The following VPS50 variants were observed in gnomAD, a reference collection of about 807,000 sequenced individuals.
VPS50 encodes the protein VPS50 subunit of EARP/GARPII complex.
A neutral mutation model predicts 139.7 loss-of-function variants in VPS50; 70 were observed. The ratio of observed to expected loss-of-function variants is 0.50; its 90% CI spans 0.41 to 0.61. The LOEUF is 0.61. VPS50 is among the 20% of genes least tolerant of loss of function. VPS50 has a pLI of 0.00. For missense variants in VPS50, 921 were observed against 1,133.7 expected (o/e 0.81, Z 2.69); for synonymous variants, 365 against 376.7 (o/e 0.97, Z 0.36).
chr7:93,342,889 A>C (rs1251305267), intron 23 of VPS50, among the ~76,000 whole-genome samples: 2 of 152,246 alleles, frequency 1.3e-5, no homozygotes, highest in Non-Finnish European at 2.9e-5. Flanking sequence ...GGAAAAAAAC[A>C]GAGCAGAAAA....
chr7:93,332,558 G>T (rs1477427051), intron 21 of VPS50, among the ~76,000 whole-genome samples: 4 of 152,188 alleles, frequency 2.6e-5, no homozygotes, highest in African/African-American at 2.4e-5. Context: ...CAACGTGGAA[G>T]TACCTTATAA....
At chr7:93,343,622 A>G (rs1798294927) in intron 23 of VPS50, among the ~76,000 whole-genome samples, 1 of 152,232 alleles carries the variant, frequency 6.6e-6, no homozygotes, top group Admixed American at 6.5e-5. Flanking sequence ...CCATCAGACT[A>G]ACAGCAGATC....
intron 25 of VPS50, among the ~76,000 whole-genome samples, chr7:93,350,801 A>G (rs1042439301): frequency 6.6e-6 from 1 of 152,188 alleles, no homozygotes; most frequent in African/African-American, 2.4e-5. Context: ...GAGACTGGAG[A>G]TGAGGCCTGA....
intron 21 of VPS50, among the ~76,000 whole-genome samples, chr7:93,324,120 T>G (rs1797697553): frequency 6.6e-6 from 1 of 152,228 alleles, no homozygotes; most frequent in Admixed American, 6.5e-5. Flanking sequence ...GATAATGATG[T>G]ATAAGAATGC....
At chr7:93,297,416 C>G (rs1796842915) in intron 16 of VPS50, among the ~76,000 whole-genome samples, 173 bp downstream of exon 16, 1 of 151,918 alleles carries the variant, frequency 6.6e-6, no homozygotes, top group Non-Finnish European at 1.5e-5. Flanking sequence ...ATGAAATGTT[C>G]TCATTACATA....
chr7:93,259,281 G>T (rs1795592734), intron 8 of VPS50: 1 of 271,998 alleles, frequency 3.7e-6, no homozygotes. Context: ...TTTAATGTAG[G>T]ATTTATCCAT....
chr7:93,290,889 A>G (rs974934339), intron 12 of VPS50, among the ~76,000 whole-genome samples: 3 of 152,078 alleles, frequency 2.0e-5, no homozygotes, highest in Non-Finnish European at 4.4e-5. Flanking sequence ...AATACTTGCC[A>G]TAGCTTATTT....
chr7:93,313,341 C>A (rs762566497), intron 20 of VPS50, among the ~76,000 whole-genome samples: 33 of 152,150 alleles, frequency 2.2e-4, no homozygotes, highest in Non-Finnish European at 4.3e-4. Flanking sequence ...TCAAACACAT[C>A]TAAGCAGTTG....
At chr7:93,264,678 G>A (rs773248897) in intron 9 of VPS50, among the ~76,000 whole-genome samples, 2 of 152,108 alleles carry the variant, frequency 1.3e-5, no homozygotes, top group Non-Finnish European at 2.9e-5. Flanking sequence ...ATGTCTTTAC[G>A]TCATATGGCA....
intron 4 of VPS50, among the ~76,000 whole-genome samples, chr7:93,254,883 T>G (rs975100080): frequency 6.6e-6 from 1 of 152,186 alleles, no homozygotes; most frequent in Non-Finnish European, 1.5e-5. Context: ...GATATGATTT[T>G]TAATAATGCA....
At chr7:93,307,590 G>T (rs1797152976) in intron 18 of VPS50, among the ~76,000 whole-genome samples, 1 of 151,868 alleles carries the variant, frequency 6.6e-6, no homozygotes, top group Non-Finnish European at 1.5e-5. Flanking sequence ...TGACTTTAGG[G>T]TTACAAATAA....
rs200975765 is a variant in VPS50, at chr7:93,341,534, G to A, written c.2166G>A (p.Thr722=). ...TAGTGGTTTTGACATCTGGGGATAC[G>A]CTGTATGGGTTGGCAGAAAGAGTGG... ...SHLVVLTSGD[T]LYGLAERVVA... The change falls in exon 23 of 28, where the codon ACG becomes ACA. Residue 722 remains threonine (T), a synonymous_variant. Coordinates refer to ENST00000305866, the MANE Select transcript of VPS50 (RefSeq NM_017667.4). 1.9e-4 allele frequency: 303 copies of A among 1,611,580 alleles called. No individual in the cohort carries two copies. The highest frequency in any genetic ancestry group is 2.4e-4 in the African/African-American group (18 of 74,884).
At chr7:93,271,373 T>G (rs1215524095) in intron 10 of VPS50, 111 bp downstream of exon 10, 1 of 1,324,412 alleles carries the variant, frequency 7.6e-7, no homozygotes, top group Non-Finnish European at 9.7e-7. Flanking sequence ...TGTCTCTAGA[T>G]CACTGTATTT....
At chr7:93,345,788 A>T (rs1032109527) in intron 23 of VPS50, among the ~76,000 whole-genome samples, 6 of 152,148 alleles carry the variant, frequency 3.9e-5, no homozygotes, top group African/African-American at 9.7e-5. Context: ...CCCTTCATGC[A>T]AAAAACTCTC....
chr7:93,323,872 C>T, intron 21 of VPS50, 140 bp downstream of exon 21: 1 of 381,360 alleles, frequency 2.6e-6, no homozygotes, highest in East Asian at 4.1e-5. Context: ...TTATTGATAT[C>T]AGCCTTCTGT....
chr7:93,288,202 A>G (rs528040985), intron 12 of VPS50, among the ~76,000 whole-genome samples: 1 of 152,262 alleles, frequency 6.6e-6, no homozygotes, highest in Admixed American at 6.5e-5. Context: ...TTACAACTCA[A>G]GGTGAGATTT....
intron 21 of VPS50, among the ~76,000 whole-genome samples, chr7:93,325,066 C>G (rs1427833437): frequency 6.6e-6 from 1 of 151,934 alleles, no homozygotes; most frequent in African/African-American, 2.4e-5. Context: ...CTACAGTAAC[C>G]AAAACAGCAT....
intron 1 of VPS50, among the ~76,000 whole-genome samples, chr7:93,233,863 A>G (rs139427605): frequency 4.0e-4 from 61 of 152,332 alleles, no homozygotes; most frequent in African/African-American, 1.3e-3. Context: ...TGGTGTTTAC[A>G]TGATATAATG....
intron 14 of VPS50, 46 bp downstream of exon 14, chr7:93,294,682 G>A (rs1229989627): frequency 7.1e-7 from 1 of 1,399,058 alleles, no homozygotes; most frequent in Middle Eastern, 1.8e-4. Flanking sequence ...CAATAGAAAT[G>A]TCATGTCATA....
Sources: allele counts gnomAD v4.1 joint callset (sites outside exome capture counted in the v4.1 genomes callset), GRCh38; gene constraint gnomAD v4.1.1; transcripts MANE v1.5; gene names NCBI Gene and HGNC (gene_info 2026-07-23, HGNC 2026-07-21).